The following KCTD8 variants were observed in gnomAD, a reference collection of about 807,000 sequenced individuals.
The protein encoded by KCTD8 is potassium channel tetramerization domain containing 8, also known as BTB/POZ domain-containing protein KCTD8.
Under a neutral mutation model 31.5 loss-of-function variants are expected in KCTD8, and 27 were observed. The ratio of observed to expected loss-of-function variants is 0.86; its 90% CI spans 0.63 to 1.18. KCTD8 has a LOEUF of 1.18. KCTD8 is among the 50% of genes most tolerant of loss of function. The pLI is 0.00. For missense variants in KCTD8, 658 were observed against 647.7 expected (o/e 1.02, Z -0.17); for synonymous variants, 290 against 280.0 (o/e 1.04, Z -0.36).
Position 44,227,757 on chromosome 4 carries a change from C to A in KCTD8, c.962-52507G>T, listed in dbSNP as rs577617042. 2.0e-5 allele frequency among the ~76,000 whole-genome samples: 3 copies of A among 152,228 alleles called. No homozygotes were observed. The East Asian group carries it at 5.8e-4, about 29-fold the overall frequency. ...CAGAGCCTAAGAGGCAGAGTTGATT[C>A]TTTCCTTTCCCTCACTCTTAAGATG... On this transcript the variant is annotated intron_variant, in intron 1 of 1. Coordinates refer to ENST00000360029, the MANE Select transcript of KCTD8 (RefSeq NM_198353.3).
intron 1 of KCTD8, among the ~76,000 whole-genome samples, chr4:44,199,070 A>G (rs1168609576): frequency 6.6e-6 from 1 of 152,078 alleles, no homozygotes; most frequent in Non-Finnish European, 1.5e-5. Context: ...TTATATAATA[A>G]AAAAAGGTTC....
At chr4:44,250,648 G>A (rs368400003) in intron 1 of KCTD8, among the ~76,000 whole-genome samples, 2 of 151,866 alleles carry the variant, frequency 1.3e-5, no homozygotes, top group Non-Finnish European at 3.0e-5. Context: ...TACCCTGTGA[G>A]TAAAGTTGAT....
intron 1 of KCTD8, among the ~76,000 whole-genome samples, chr4:44,242,807 A>C (rs1715544144): frequency 6.6e-6 from 1 of 151,936 alleles, no homozygotes; most frequent in South Asian, 2.1e-4. Flanking sequence ...GGTCTTTAAA[A>C]GTGGGTGGCA....
intron 1 of KCTD8, among the ~76,000 whole-genome samples, chr4:44,423,004 G>C (rs1721257386): frequency 6.6e-6 from 1 of 152,134 alleles, no homozygotes; most frequent in South Asian, 2.1e-4. Flanking sequence ...TCTGTTTCCA[G>C]GGTAAATTTC....
intron 1 of KCTD8, among the ~76,000 whole-genome samples, chr4:44,185,892 C>T (rs2109332493): frequency 6.6e-6 from 1 of 152,216 alleles, no homozygotes; most frequent in South Asian, 2.1e-4. Flanking sequence ...CAAACACACA[C>T]ACAAAACACA....
At chr4:44,326,344 T>C (rs560487135) in intron 1 of KCTD8, among the ~76,000 whole-genome samples, 22 of 151,970 alleles carry the variant, frequency 1.4e-4, no homozygotes, top group Admixed American at 5.9e-4. Flanking sequence ...TTTTTTTGCA[T>C]TAATTTTTAC....
intron 1 of KCTD8, among the ~76,000 whole-genome samples, chr4:44,433,630 T>C (rs527836437): frequency 8.6e-5 from 13 of 151,900 alleles, no homozygotes; most frequent in South Asian, 4.2e-4. Context: ...CTTCACTAGA[T>C]ACAGTCTCTT....
At chr4:44,289,814 C>T (rs1316469586) in intron 1 of KCTD8, among the ~76,000 whole-genome samples, 1 of 152,126 alleles carries the variant, frequency 6.6e-6, no homozygotes, top group Non-Finnish European at 1.5e-5. Flanking sequence ...GTGCCCATAT[C>T]CCAAGGCTCT....
At chr4:44,262,733 T>A (rs2109366357) in intron 1 of KCTD8, among the ~76,000 whole-genome samples, 1 of 152,240 alleles carries the variant, frequency 6.6e-6, no homozygotes, top group South Asian at 2.1e-4. Context: ...CCTCATTGGG[T>A]TTTAAAAAAT....
intron 1 of KCTD8, among the ~76,000 whole-genome samples, chr4:44,248,147 T>C (rs1398660694): frequency 6.6e-6 from 1 of 152,080 alleles, no homozygotes; most frequent in South Asian, 2.1e-4. Flanking sequence ...TTCAAAACTT[T>C]TCATTAATAT....
At chr4:44,447,438 C>T (rs371026799) in intron 1 of KCTD8, 125 bp downstream of exon 1, 10 of 1,376,242 alleles carry the variant, frequency 7.3e-6, no homozygotes, top group Non-Finnish European at 6.6e-6. Context: ...GGGAGAGCCG[C>T]TCTCTATAAG....
intron 1 of KCTD8, among the ~76,000 whole-genome samples, chr4:44,332,950 C>T (rs1261374411): frequency 6.6e-6 from 1 of 152,030 alleles, no homozygotes; most frequent in African/African-American, 2.4e-5. Context: ...CAGTCACCCT[C>T]AGTTGAGAAC....
At chr4:44,251,450 C>A (rs1356619389) in intron 1 of KCTD8, among the ~76,000 whole-genome samples, 1 of 151,566 alleles carries the variant, frequency 6.6e-6, no homozygotes, top group Non-Finnish European at 1.5e-5. Context: ...TAAACATAAG[C>A]ATTGTAAATC....
chr4:44,400,340 G>T (rs1194439710), intron 1 of KCTD8, among the ~76,000 whole-genome samples: 1 of 151,852 alleles, frequency 6.6e-6, no homozygotes, highest in East Asian at 1.9e-4. Context: ...GCAATGTCAG[G>T]TCAAAAGTAT....
At chr4:44,421,664 A>T (rs978719925) in intron 1 of KCTD8, among the ~76,000 whole-genome samples, 1 of 152,108 alleles carries the variant, frequency 6.6e-6, no homozygotes, top group Non-Finnish European at 1.5e-5. Context: ...ATTCATACAG[A>T]TTCTCAAAGG....
chr4:44,342,725 C>T (rs372557625), intron 1 of KCTD8, among the ~76,000 whole-genome samples: 118 of 152,310 alleles, frequency 7.7e-4, no homozygotes, highest in African/African-American at 2.7e-3. Context: ...ATCTGTTGTT[C>T]AGTGTTCCTC....
chr4:44,211,375 G>C (rs185363593), intron 1 of KCTD8, among the ~76,000 whole-genome samples: 4 of 152,210 alleles, frequency 2.6e-5, no homozygotes, highest in African/African-American at 9.6e-5. Context: ...ACATAAACAT[G>C]AACACATATA....
intron 1 of KCTD8, among the ~76,000 whole-genome samples, chr4:44,222,298 A>T (rs1334009051): frequency 6.6e-6 from 1 of 152,232 alleles, no homozygotes; most frequent in African/African-American, 2.4e-5. Flanking sequence ...ACTGGCAGTC[A>T]GGAAGGAAAG....
At chr4:44,345,715 T>C (rs1277309587) in intron 1 of KCTD8, among the ~76,000 whole-genome samples, 1 of 152,170 alleles carries the variant, frequency 6.6e-6, no homozygotes, top group Non-Finnish European at 1.5e-5. Flanking sequence ...AGTCAAGAGA[T>C]GTTCATGTTT....
Sources: allele counts gnomAD v4.1 joint callset (sites outside exome capture counted in the v4.1 genomes callset), GRCh38; gene constraint gnomAD v4.1.1; transcripts MANE v1.5; gene names NCBI Gene and HGNC (gene_info 2026-07-23, HGNC 2026-07-21).